Variants in SEMA3G observed in about 807,000 individuals in gnomAD.
SEMA3G encodes semaphorin-3G.
Under a neutral mutation model 86.2 loss-of-function variants are expected in SEMA3G, and 70 were observed. The observed-to-expected ratio is 0.81, with a 90% CI of 0.67 to 0.99. The LOEUF (loss-of-function observed/expected upper bound fraction) is 0.99. Among genes scored for constraint, SEMA3G ranks in the 50% least tolerant of loss-of-function variants. The pLI is 0.00. For missense variants in SEMA3G, 1,002 were observed against 1,072.4 expected, an observed-to-expected ratio of 0.93 and a Z score of 0.92; for synonymous variants, 416 against 441.4, an observed-to-expected ratio of 0.94 and a Z score of 0.72.
rs753057951 is a variant in SEMA3G at position 52,442,945 on chromosome 3, C to T, written c.116-38G>A. 30 of 1,560,594 alleles carry T rather than the reference C, an allele frequency of 1.9e-5. 1 individual carries two copies. Among genetic ancestry groups the T allele is most frequent in the South Asian group, 1.9e-4 (16 of 84,800 alleles). ...ATGGGGAGGCAGATCAGGGCCACAGCTCAGCCTAGTTCCCCAGCCAAGGAG... is the reference window on the plus strand; with the variant it reads ...ATGGGGAGGCAGATCAGGGCCACAGTTCAGCCTAGTTCCCCAGCCAAGGAG... On this transcript the variant is annotated intron_variant, in intron 1 of 15. Coordinates refer to ENST00000231721, the MANE Select transcript of SEMA3G (RefSeq NM_020163.3). This position sits in a 1 kb window ranked among gnomAD's most constrained non-coding sequence, Gnocchi z 6.1.
rs1481401381 is a variant in SEMA3G, at chr3:52,440,425, G to A, written c.1095C>T (p.His365=). ...CCTTGCCCCCATAGGGCCCCCACTGGTGCTGAGGCCCATCTCGGTGGGCAA... is the reference window on the plus strand; with the variant it reads ...CCTTGCCCCCATAGGGCCCCCACTGATGCTGAGGCCCATCTCGGTGGGCAA... ...GPFAHRDGPQ[H]QWGPYGGKVP... is the part of the protein sequence containing the mutation. The change falls in exon 10 of 16, where the codon CAC becomes CAT. Residue 365 remains histidine (H), a synonymous_variant. Coordinates refer to ENST00000231721, the MANE Select transcript of SEMA3G (RefSeq NM_020163.3). 1.2e-6 allele frequency: 2 copies of A among 1,611,048 alleles called. No individual in the cohort carries two copies. Among genetic ancestry groups the A allele is most frequent in the Non-Finnish European group, 1.7e-6 (2 of 1,179,354 alleles).
At chr3:52,437,416 A>T in intron 15 of SEMA3G, 111 bp downstream of exon 15, 1 of 1,234,634 alleles carries the variant, frequency 8.1e-7, no homozygotes, top group Admixed American at 2.3e-5. Context: ...TTTTAGGTTA[A>T]TCTTGGCAGA....
Position 52,444,966 on chromosome 3 carries a change from C to T in SEMA3G, c.62G>A (p.Ser21Asn). 1 of 1,301,092 alleles carries T rather than the reference C, an allele frequency of 7.7e-7. No individual in the cohort carries two copies. Among genetic ancestry groups the T allele is most frequent in the Non-Finnish European group, 9.8e-7 (1 of 1,019,668 alleles). 80.6% of individuals were successfully genotyped at this position (1,301,092 alleles called of 1,614,324 possible). A position where few individuals can be genotyped will look rare whatever the true frequency, so the allele number is the denominator to read the frequency against. The change falls in exon 1 of 16, where the codon AGC becomes AAC. Residue 21 changes from serine (S) to asparagine (N), a missense_variant. Ser to Asn is a conservative substitution (Grantham distance 46). Transcript: ENST00000231721. ...ACTGGGGCCGGGGCTGGGGCCAGAGCTACCCCCATGGAGCAGGAGGCCCCC... is the reference window on the plus strand; with the variant it reads ...ACTGGGGCCGGGGCTGGGGCCAGAGTTACCCCCATGGAGCAGGAGGCCCCC... Reference protein sequence around the residue: ...LLGGLLLHGGSSGPSPGPSVP... With the variant: ...LLGGLLLHGGNSGPSPGPSVP...
intron 14 of SEMA3G, 70 bp downstream of exon 14, chr3:52,437,901 G>T (rs11717063): frequency 5.0e-6 from 7 of 1,391,716 alleles, no homozygotes; most frequent in Non-Finnish European, 6.0e-6. Context: ...AATGCACTTC[G>T]CAGGGGTGGA....
At position 52,442,326 on chromosome 3, in the gene SEMA3G, G is replaced by A. The variant is rs997708924; in HGVS notation, c.340-22C>T. On this transcript the variant is annotated intron_variant, in intron 3 of 15. Transcript: ENST00000231721. The surrounding 1 kb of genome is among the most constrained non-coding windows in gnomAD (Gnocchi z 6.1). The stretch of plus-strand genomic sequence containing the variant: ...CTGTCTGCGGGGAGAAGGAGGGGGT[G>A]GTTGAGGGGTGAGAGGGGGTGCCCA... 2 of 1,612,068 alleles carry A rather than the reference G, an allele frequency of 1.2e-6. No individual in the cohort carries two copies. The highest frequency in any genetic ancestry group is 2.2e-5 in the East Asian group (1 of 44,804).
Position 52,441,832 on chromosome 3 carries a change from G to T in SEMA3G, c.537C>A (p.Ala179=). The T allele has an allele frequency of 6.2e-7, 1 of 1,606,566 alleles. No homozygotes were observed. The highest frequency in any genetic ancestry group is 1.7e-5 in the Admixed American group (1 of 58,628). Residue 179 remains alanine, a synonymous_variant, in exon 5 of 16, where the codon GCC becomes GCA. Transcript: ENST00000231721. ...GGCATCACCCACCTATGAAGGTGCTGGCAAAGGGACGGCTGGGCTCGTGAG... is the reference window on the plus strand; with the variant it reads ...GGCATCACCCACCTATGAAGGTGCTTGCAAAGGGACGGCTGGGCTCGTGAG... ...RCPHEPSRPF[A]STFIDGELYT...
chr3:52,441,863 C>A lies in SEMA3G; in HGVS notation c.506G>T (p.Arg169Leu), dbSNP rs376402670. 1.5e-5 allele frequency: 24 copies of A among 1,593,172 alleles called. No homozygotes were observed. The African/African-American group carries it at 3.1e-4, about 20-fold the overall frequency. The change falls in exon 5 of 16, where the codon CGG becomes CTG. Residue 169 changes from arginine to leucine, a missense_variant. Arg to Leu is a moderately radical substitution (Grantham distance 102). Coordinates refer to ENST00000231721, the MANE Select transcript of SEMA3G (RefSeq NM_020163.3). Reference sequence around the variant, plus strand: ...GGGACGGCTGGGCTCGTGAGGGCACCGCCCCCGGCCACTTTCCACACTGCC... The same window carrying A: ...GGGACGGCTGGGCTCGTGAGGGCACAGCCCCCGGCCACTTTCCACACTGCC... ...EPGSVESGRG[R>L]CPHEPSRPFA... is the part of the protein sequence containing the mutation.
At position 52,442,888 on chromosome 3, in the gene SEMA3G, G is replaced by T; in HGVS notation, c.135C>A (p.Arg45=). The T allele has an allele frequency of 6.2e-7, 1 of 1,602,012 alleles. No homozygotes were observed. Among genetic ancestry groups the T allele is most frequent in the Admixed American group, 1.7e-5 (1 of 58,198 alleles). Residue 45 remains arginine, a synonymous_variant, in exon 2 of 16, where the codon CGC becomes CGA. Transcript: ENST00000231721. This position sits in a 1 kb window ranked among gnomAD's most constrained non-coding sequence, Gnocchi z 6.1. ...LSYRDLLSAN[R]SAIFLGPQGS... Reference sequence around the variant, plus strand: ...CCTGGGGGCCCAGAAAGATGGCAGAGCGGTTGGCAGACAGGAGGTCTAGGA... The same window carrying T: ...CCTGGGGGCCCAGAAAGATGGCAGATCGGTTGGCAGACAGGAGGTCTAGGA...
chr3:52,437,674 G>A lies in SEMA3G; in HGVS notation c.1739-8C>T. ...CAAGTCCCACTGCCTCTTCTGGAGA[G>A]AGGCAGAGGTTGGCTCAGCTTGGGA... is the stretch of plus-strand genomic sequence containing the variant. On this transcript the variant is annotated splice_polypyrimidine_tract_variant and splice_region_variant and intron_variant, in intron 14 of 15. Transcript: ENST00000231721. 1.2e-6 allele frequency: 2 copies of A among 1,606,852 alleles called. No individual in the cohort carries two copies. The highest frequency in any genetic ancestry group is 1.7e-6 in the Non-Finnish European group (2 of 1,175,174).
At chr3:52,436,356 G>A (rs1706050399) in intron 15 of SEMA3G, among the ~76,000 whole-genome samples, 1 of 152,234 alleles carries the variant, frequency 6.6e-6, no homozygotes, top group South Asian at 2.1e-4. Context: ...CTTGGCCTCA[G>A]AGGGCCCTGG....
intron 11 of SEMA3G, 40 bp from the exon 12 acceptor site, chr3:52,439,811 C>G: frequency 6.2e-7 from 1 of 1,609,736 alleles, no homozygotes; most frequent in South Asian, 1.1e-5. Context: ...CAGGAGGGGA[C>G]AGCCAGAGAC....
In SEMA3G at chr3:52,442,295, C is replaced by T. The variant is rs139275734; in HGVS notation, c.349G>A (p.Ala117Thr). Residue 117 changes from alanine (A) to threonine (T), a missense_variant, in exon 4 of 16, where the codon GCC (alanine) becomes ACC (threonine). Coordinates refer to ENST00000231721, the MANE Select transcript of SEMA3G (RefSeq NM_020163.3). The surrounding 1 kb of genome is among the most constrained non-coding windows in gnomAD (Gnocchi z 6.1). The stretch of plus-strand genomic sequence containing the variant: ...GGCTGTAGCACCCGCACGAAGTTGG[C>T]GCACTCTGTCTGCGGGGAGAAGGAG... ...RKGRDPLTECANFVRVLQPHN... is the reference protein window; with the variant it reads ...RKGRDPLTECTNFVRVLQPHN... The T allele has an allele frequency of 2.4e-5, 38 of 1,613,140 alleles. No individual in the cohort carries two copies. The highest frequency in any genetic ancestry group is 3.1e-5 in the Non-Finnish European group (37 of 1,179,826).
chr3:52,437,409 T>A (rs1449515898), intron 15 of SEMA3G, 118 bp downstream of exon 15: 25 of 1,179,030 alleles, frequency 2.1e-5, no homozygotes, highest in Non-Finnish European at 2.6e-5. Context: ...AAACTTTTTT[T>A]AGGTTAATCT....
chr3:52,440,400 C>T lies in SEMA3G; in HGVS notation c.1120G>A (p.Val374Met), dbSNP rs372287628. 1.8e-5 allele frequency: 29 copies of T among 1,608,744 alleles called. No homozygotes were observed. In the African/African-American group the frequency reaches 3.3e-4, roughly 19 times the overall value. ...QHQWGPYGGKVPFPRPGVCPS... is the reference protein window; with the variant it reads ...QHQWGPYGGKMPFPRPGVCPS... ...ACCACGCCAGGGCGAGGGAAGGGCA[C>T]CTTGCCCCCATAGGGCCCCCACTGG... Residue 374 changes from valine (V) to methionine (M), a missense_variant, in exon 10 of 16, where the codon GTG becomes ATG. Coordinates refer to ENST00000231721, the MANE Select transcript of SEMA3G (RefSeq NM_020163.3).
intron 13 of SEMA3G, 66 bp from the exon 14 acceptor site, chr3:52,438,265 A>G (rs1706087051): frequency 6.7e-7 from 1 of 1,484,198 alleles, no homozygotes; most frequent in East Asian, 2.4e-5. Flanking sequence ...CCAGGCTCTC[A>G]GCCCCTCAGC....
rs1231065959 is a variant in SEMA3G at position 52,442,867 on chromosome 3, G to A, written c.156C>T (p.Pro52=). 2 of 1,608,600 alleles carry A rather than the reference G, an allele frequency of 1.2e-6. No homozygotes were observed. The highest frequency in any genetic ancestry group is 2.7e-5 in the African/African-American group (2 of 74,794). The part of the protein sequence containing the change: ...SANRSAIFLG[P]QGSLNLQAMY... The stretch of plus-strand genomic sequence containing the variant: ...TGGCCTGGAGGTTCAGGGAGCCCTG[G>A]GGGCCCAGAAAGATGGCAGAGCGGT... Residue 52 remains proline, a synonymous_variant, in exon 2 of 16, where the codon CCC becomes CCT. Coordinates refer to ENST00000231721, the MANE Select transcript of SEMA3G (RefSeq NM_020163.3). This position sits in a 1 kb window ranked among gnomAD's most constrained non-coding sequence, Gnocchi z 6.1.
Position 52,435,632 on chromosome 3 carries a change from G to T in SEMA3G, c.2320C>A (p.Arg774=). The T allele has an allele frequency of 5.0e-6, 8 of 1,613,544 alleles. No individual in the cohort carries two copies. The highest frequency in any genetic ancestry group is 6.8e-6 in the Non-Finnish European group (8 of 1,179,734). The change falls in exon 16 of 16, where the codon CGG becomes AGG. Residue 774 remains arginine (R), a synonymous_variant. Coordinates refer to ENST00000231721, the MANE Select transcript of SEMA3G (RefSeq NM_020163.3). ...GTGGCCTCCACCTCCCGGGGCGTCC[G>T]ATTGTGCTCGGCATGCACCCGGCTC... The part of the protein sequence containing the change: ...MKSRVHAEHN[R]TPREVEAT
intron 10 of SEMA3G, 101 bp downstream of exon 10, chr3:52,440,276 G>T: frequency 3.5e-6 from 3 of 866,706 alleles, no homozygotes; most frequent in East Asian, 5.8e-5. Flanking sequence ...GCCAACGTCC[G>T]CTGCCGTGGG....
Position 52,443,993 on chromosome 3 carries a change from TG to T in SEMA3G, c.115+919del, listed in dbSNP as rs539974668. On this transcript the variant is annotated intron_variant, in intron 1 of 15. Coordinates refer to ENST00000231721, the MANE Select transcript of SEMA3G (RefSeq NM_020163.3). ...GGGTAGAACACAGGAACCCCCAGGCTGGGATGTGCAAAAAGGGGAGGTGAAA... is the reference window on the plus strand; with the variant it reads ...GGGTAGAACACAGGAACCCCCAGGCTGGATGTGCAAAAAGGGGAGGTGAAA... Among the ~76,000 whole-genome samples the T allele has an allele frequency of 1.3e-4, 20 of 152,150 alleles. 1 individual carries two copies. The South Asian group carries it at 4.1e-3, about 32-fold the overall frequency.
Sources: allele counts gnomAD v4.1 joint callset (sites outside exome capture counted in the v4.1 genomes callset), GRCh38; gene constraint gnomAD v4.1.1; non-coding constraint Gnocchi (gnomAD v3.1); transcripts MANE v1.5; gene names NCBI Gene and HGNC (gene_info 2026-07-23, HGNC 2026-07-21).